The following PTPRG variants were observed in gnomAD, a reference collection of about 807,000 sequenced individuals.
PTPRG encodes the protein protein tyrosine phosphatase receptor type G.
PTPRG carries 102 observed loss-of-function variants against 165.3 expected under a neutral mutation model. The observed-to-expected ratio is 0.62, with a 90% CI of 0.53 to 0.73. The LOEUF (loss-of-function observed/expected upper bound fraction) is 0.73, where lower values mean the gene tolerates loss of function less well. PTPRG is among the 30% of genes least tolerant of loss of function. The pLI, the probability that PTPRG is intolerant of heterozygous loss-of-function variation, is 0.00. For synonymous variants in PTPRG, 675 were observed against 669.5 expected, an observed-to-expected ratio of 1.01 and a Z score of -0.13; for missense variants, 1,866 against 1,861.4, an observed-to-expected ratio of 1.00 and a Z score of -0.05.
intron 2 of PTPRG, among the ~76,000 whole-genome samples, chr3:61,953,081 C>T (rs189629338): frequency 9.9e-4 from 150 of 152,084 alleles, no homozygotes; most frequent in Admixed American, 1.9e-3. Flanking sequence ...TTCTACTTAC[C>T]GTGCCCCAGG....
In PTPRG at chr3:62,294,298, T is replaced by TA. The variant is rs1702994592; in HGVS notation, c.*992dup. 6.6e-6 allele frequency: 1 copy of TA among 152,142 alleles called. No homozygotes were observed. Among genetic ancestry groups the TA allele is most frequent in the Admixed American group, 6.6e-5 (1 of 15,250 alleles). 9.4% of individuals were successfully genotyped at this position (152,142 alleles called of 1,614,324 possible). A position where few individuals can be genotyped will look rare whatever the true frequency, so the allele number is the denominator to read the frequency against. On this transcript the variant is annotated 3_prime_UTR_variant, in exon 30 of 30. Coordinates refer to ENST00000474889, the MANE Select transcript of PTPRG (RefSeq NM_002841.4). Reference sequence around the variant, plus strand: ...ATCTAATAAAAACTACCTACATAGTTACTGTTTTCTTTCCTTCTTTGCCAA... The same window carrying TA: ...ATCTAATAAAAACTACCTACATAGTTAACTGTTTTCTTTCCTTCTTTGCCAA...
At chr3:62,136,589 A>C (rs926866852) in intron 6 of PTPRG, among the ~76,000 whole-genome samples, 1 of 152,136 alleles carries the variant, frequency 6.6e-6, no homozygotes, top group African/African-American at 2.4e-5. Context: ...GTCCCACCTA[A>C]ATCTCATCTT....
At chr3:61,638,606 T>G (rs1181352120) in intron 1 of PTPRG, among the ~76,000 whole-genome samples, 1 of 143,468 alleles carries the variant, frequency 7.0e-6, no homozygotes, top group East Asian at 2.0e-4. Context: ...TTTTTTTTTT[T>G]TTTTTTTTTT....
In PTPRG at chr3:62,190,740, T is replaced by C. The variant is rs1225084973; in HGVS notation, c.1034-729T>C. ...TTACAATAAGATTTCGTCTACAATT[T>C]TAGTTAGCACACTCCACCAGTCCAA... On this transcript the variant is annotated intron_variant, in intron 8 of 29. Transcript: ENST00000474889. The surrounding 1 kb of genome is among the most constrained non-coding windows in gnomAD (Gnocchi z 5.2). Among the ~76,000 whole-genome samples, 1 of 152,154 alleles carries C rather than the reference T, an allele frequency of 6.6e-6. No individual in the cohort carries two copies. The highest frequency in any genetic ancestry group is 1.9e-4 in the East Asian group (1 of 5,204).
intron 1 of PTPRG, among the ~76,000 whole-genome samples, chr3:61,692,976 C>T (rs1257712204): frequency 6.6e-6 from 1 of 152,128 alleles, no homozygotes; most frequent in East Asian, 1.9e-4. Flanking sequence ...TCTTCAGGGT[C>T]TTCCCAGCCC....
At chr3:61,749,456 CTGTCTACTCGA>C in intron 2 of PTPRG, 1 of 265,016 alleles carries the variant, frequency 3.8e-6, no homozygotes, top group East Asian at 1.3e-4. Flanking sequence ...TATATTTTAG[CTGTCTACTCGA>C]TGGTAATCTG....
At chr3:62,191,373 A>G (rs1699814308) in intron 8 of PTPRG, 96 bp from the exon 9 acceptor site, 6 of 1,136,976 alleles carry the variant, frequency 5.3e-6, no homozygotes, top group Non-Finnish European at 7.5e-6. Context: ...TTCCTGTATT[A>G]CTCTTTCAAC....
chr3:62,045,877 C>T (rs1339044963), intron 4 of PTPRG, among the ~76,000 whole-genome samples: 4 of 152,202 alleles, frequency 2.6e-5, no homozygotes, highest in Non-Finnish European at 5.9e-5. Context: ...TTTGCATGGG[C>T]AAAGGTGAGG....
intron 2 of PTPRG, among the ~76,000 whole-genome samples, chr3:61,952,607 C>T (rs576597149): frequency 5.3e-5 from 8 of 152,116 alleles, no homozygotes; most frequent in East Asian, 3.9e-4. Context: ...TCCTTGACGC[C>T]GGAGTTCTCA....
At chr3:61,962,335 G>T (rs545804159) in intron 2 of PTPRG, among the ~76,000 whole-genome samples, 1 of 152,196 alleles carries the variant, frequency 6.6e-6, no homozygotes, top group Non-Finnish European at 1.5e-5. Flanking sequence ...AATGGTGGTA[G>T]TCAGGTAGTC....
In PTPRG at chr3:61,674,502, A is replaced by T. The variant is rs997320362; in HGVS notation, c.86-74376A>T. 4.0e-4 allele frequency among the ~76,000 whole-genome samples: 60 copies of T among 151,390 alleles called. 1 individual carries two copies. Among genetic ancestry groups the T allele is most frequent in the Non-Finnish European group, 1.9e-4 (13 of 67,848 alleles). ...ACTCCATCTCAAAAAAAAAAAAAAA[A>T]AAAAAAAAGCCATATTAGTACTCTA... On this transcript the variant is annotated intron_variant, in intron 1 of 29. Transcript: ENST00000474889.
chr3:61,615,950 ATTTG>A (rs1191161772), intron 1 of PTPRG, among the ~76,000 whole-genome samples: 6 of 152,114 alleles, frequency 3.9e-5, no homozygotes, highest in Admixed American at 1.3e-4. Context: ...TTATTTACTT[ATTTG>A]TTTGTTTGTT....
chr3:62,273,606 G>T lies in PTPRG; in HGVS notation c.3319-92G>T, dbSNP rs1702143087. On this transcript the variant is annotated intron_variant, in intron 22 of 29. Coordinates refer to ENST00000474889, the MANE Select transcript of PTPRG (RefSeq NM_002841.4). The surrounding 1 kb of genome is among the most constrained non-coding windows in gnomAD (Gnocchi z 4.1). ...TGAAGGAAATCACTGGGAGGTCCCT[G>T]TTAGCAGCAGAATTAAACTAAGGTA... 1 of 1,313,820 alleles carries T rather than the reference G, an allele frequency of 7.6e-7. No individual in the cohort carries two copies. The highest frequency in any genetic ancestry group is 1.8e-5 in the Admixed American group (1 of 54,476). 81.4% of individuals were successfully genotyped at this position (1,313,820 alleles called of 1,614,324 possible).
At chr3:61,832,793 G>T (rs926592182) in intron 2 of PTPRG, among the ~76,000 whole-genome samples, 2 of 152,132 alleles carry the variant, frequency 1.3e-5, no homozygotes, top group African/African-American at 4.8e-5. Context: ...AGATTTTGCT[G>T]CATCCATCAC....
intron 14 of PTPRG, among the ~76,000 whole-genome samples, chr3:62,234,946 G>A (rs1012192004): frequency 3.5e-5 from 5 of 142,456 alleles, no homozygotes; most frequent in Admixed American, 6.9e-5. Context: ...TCCCCCCCCC[G>A]AGATGGTCTC....
chr3:62,192,926 T>G (rs1699874871), intron 9 of PTPRG, among the ~76,000 whole-genome samples: 1 of 152,246 alleles, frequency 6.6e-6, no homozygotes, highest in Admixed American at 6.5e-5. Context: ...TTCAATCAGT[T>G]ATAGAATAAT....
chr3:62,191,695 A>G, intron 9 of PTPRG, 42 bp downstream of exon 9: 1 of 1,563,592 alleles, frequency 6.4e-7, no homozygotes, highest in Admixed American at 1.7e-5. Flanking sequence ...TGCTGCAGAG[A>G]GGGACTCCTG....
chr3:62,093,504 G>T (rs568585172), intron 5 of PTPRG, among the ~76,000 whole-genome samples: 1 of 152,292 alleles, frequency 6.6e-6, no homozygotes, highest in South Asian at 2.1e-4. Context: ...GTGGTCATTT[G>T]TCCCACCTCA....
At chr3:61,637,261 C>G (rs1361953883) in intron 1 of PTPRG, among the ~76,000 whole-genome samples, 1 of 152,224 alleles carries the variant, frequency 6.6e-6, no homozygotes, top group Non-Finnish European at 1.5e-5. Flanking sequence ...TGACATCCAG[C>G]AGCTCAGACT....
Sources: allele counts gnomAD v4.1 joint callset (sites outside exome capture counted in the v4.1 genomes callset), GRCh38; gene constraint gnomAD v4.1.1; non-coding constraint Gnocchi (gnomAD v3.1); transcripts MANE v1.5; gene names NCBI Gene and HGNC (gene_info 2026-07-23, HGNC 2026-07-21).